The following MYO9B variants were observed in gnomAD, a reference collection of about 807,000 sequenced individuals.
The protein encoded by MYO9B is unconventional myosin-IXb.
Under a neutral mutation model 229.5 loss-of-function variants are expected in MYO9B, and 71 were observed. The ratio of observed to expected loss-of-function variants is 0.31; its 90% CI spans 0.26 to 0.38. The LOEUF (loss-of-function observed/expected upper bound fraction) is 0.38. Among genes scored for constraint, MYO9B ranks in the 10% least tolerant of loss-of-function variants. MYO9B has a pLI of 1.00. For synonymous variants in MYO9B, 1,185 were observed against 1,235.8 expected, an observed-to-expected ratio of 0.96 and a Z score of 0.86; for missense variants, 2,255 against 2,920.5, an observed-to-expected ratio of 0.77 and a Z score of 5.25.
Position 17,160,381 on chromosome 19 carries a change from C to T in MYO9B, c.1419+897C>T, listed in dbSNP as rs189907197. Among the ~76,000 whole-genome samples the T allele has an allele frequency of 1.1e-4, 16 of 151,974 alleles. No homozygotes were observed. In the East Asian group the frequency reaches 3.1e-3, roughly 29 times the overall value. ...CCATTTCCTTGACACCCAAGAAATG[C>T]AAAACGAGGGGGACACATTCTAGAT... On this transcript the variant is annotated intron_variant, in intron 8 of 39. Coordinates refer to ENST00000682292, the MANE Select transcript of MYO9B (RefSeq NM_004145.4).
chr19:17,200,512 T>C, intron 25 of MYO9B, 86 bp downstream of exon 25: 1 of 1,513,902 alleles, frequency 6.6e-7, no homozygotes, highest in South Asian at 1.3e-5. Flanking sequence ...GGCCTTGAGT[T>C]GGCTGTGGGC....
intron 2 of MYO9B, among the ~76,000 whole-genome samples, chr19:17,119,231 C>T (rs1470416811): frequency 6.6e-6 from 1 of 152,236 alleles, no homozygotes; most frequent in African/African-American, 2.4e-5. Flanking sequence ...AAGTCCCACC[C>T]AAAGGCCTCC....
chr19:17,109,729 G>A (rs776206502), intron 2 of MYO9B, among the ~76,000 whole-genome samples: 3 of 152,170 alleles, frequency 2.0e-5, no homozygotes, highest in African/African-American at 4.8e-5. Flanking sequence ...GCTTGTGGCC[G>A]CATCACTCTG....
intron 4 of MYO9B, 96 bp downstream of exon 4, chr19:17,152,802 A>G: frequency 8.7e-7 from 1 of 1,152,196 alleles, no homozygotes; most frequent in South Asian, 1.3e-5. Context: ...CTGAGGTCGG[A>G]GGAATTCTGG....
Position 17,172,685 on chromosome 19 carries a change from G to C in MYO9B, c.1936-74G>C. 6.4e-7 allele frequency: 1 copy of C among 1,563,882 alleles called. No homozygotes were observed. Among genetic ancestry groups the C allele is most frequent in the Admixed American group, 1.7e-5 (1 of 59,630 alleles). ...CCACCCCACCGTCAGCCCTTCCTGC[G>C]CCAGCCCGGGGTCTTTGGTAGGCGC... is the stretch of plus-strand genomic sequence containing the variant. On this transcript the variant is annotated intron_variant, in intron 12 of 39. Transcript: ENST00000682292. The surrounding 1 kb of genome is among the most constrained non-coding windows in gnomAD (Gnocchi z 8.2).
intron 1 of MYO9B, among the ~76,000 whole-genome samples, chr19:17,083,411 C>G (rs1033530634): frequency 1.3e-5 from 2 of 152,146 alleles, no homozygotes; most frequent in African/African-American, 4.8e-5. Context: ...TGGGTAGCAG[C>G]TGCCGTCTGC....
chr19:17,193,306 C>T lies in MYO9B; in HGVS notation c.3128+244C>T, dbSNP rs993601948. 3.3e-5 allele frequency among the ~76,000 whole-genome samples: 5 copies of T among 152,192 alleles called. No homozygotes were observed. The highest frequency in any genetic ancestry group is 7.3e-5 in the Non-Finnish European group (5 of 68,028). On this transcript the variant is annotated intron_variant, in intron 21 of 39. Coordinates refer to ENST00000682292, the MANE Select transcript of MYO9B (RefSeq NM_004145.4). This position sits in a 1 kb window ranked among gnomAD's most constrained non-coding sequence, Gnocchi z 4.3. ...TGCCATTGGCTGCACCCATTCTCTG[C>T]CCAGGGACTCCCCTGTACCTGGATC... is the stretch of plus-strand genomic sequence containing the variant.
At chr19:17,143,237 CA>C (rs60367856) in intron 2 of MYO9B, among the ~76,000 whole-genome samples, 1 of 148,862 alleles carries the variant, frequency 6.7e-6, no homozygotes, top group Admixed American at 6.7e-5. Context: ...GACTCTGTTT[CA>C]AAAAAAAAAC....
At position 17,194,948 on chromosome 19, in the gene MYO9B, C is replaced by T; in HGVS notation, c.3521C>T (p.Ala1174Val). ...ATCCAGTCCTGCAAGGAGGAGAGTG[C>T]CCTCAGAGAACCTTCCAGAAGGGTC... ...KHIQSCKEES[A>V]LREPSRRVTQ... Residue 1174 changes from alanine to valine, a missense_variant, in exon 22 of 40, where the codon GCC becomes GTC. Ala to Val is a moderately conservative substitution (Grantham distance 64, BLOSUM62 0). Transcript: ENST00000682292. 1 of 1,613,360 alleles carries T rather than the reference C, an allele frequency of 6.2e-7. No individual in the cohort carries two copies. The highest frequency in any genetic ancestry group is 8.5e-7 in the Non-Finnish European group (1 of 1,179,884).
At chr19:17,152,575 A>C (rs1244405942) in intron 3 of MYO9B, 69 bp from the exon 4 acceptor site, 16 of 1,422,662 alleles carry the variant, frequency 1.1e-5, no homozygotes, top group Middle Eastern at 2.0e-4. Context: ...AAAAAAAAAA[A>C]AACAACTCAA....
rs565921799 is a variant in MYO9B, at chr19:17,128,319, A to G, written c.841-17078A>G. On this transcript the variant is annotated intron_variant, in intron 2 of 39. Coordinates refer to ENST00000682292, the MANE Select transcript of MYO9B (RefSeq NM_004145.4). The stretch of plus-strand genomic sequence containing the variant: ...GGCGGGAGGATCGCTTAAGCCCAGG[A>G]GTTTGAGGCTGCAGTGAGCTAGGAT... 2.0e-5 allele frequency among the ~76,000 whole-genome samples: 3 copies of G among 152,100 alleles called. No homozygotes were observed. In the East Asian group the frequency reaches 5.8e-4, roughly 29 times the overall value.
rs370363385 is a variant in MYO9B, at chr19:17,117,827, A to G, written c.840+15270A>G. 5.9e-4 allele frequency among the ~76,000 whole-genome samples: 90 copies of G among 151,418 alleles called. 1 individual carries two copies. In the South Asian group the frequency reaches 0.016, roughly 26 times the overall value. Reference sequence around the variant, plus strand: ...GTGGCAGGCGCCTGTAATCCCAGCTACTGAGGAAGCTGAGGCAGGAGAATG... The same window carrying G: ...GTGGCAGGCGCCTGTAATCCCAGCTGCTGAGGAAGCTGAGGCAGGAGAATG... On this transcript the variant is annotated intron_variant, in intron 2 of 39. Coordinates refer to ENST00000682292, the MANE Select transcript of MYO9B (RefSeq NM_004145.4).
In MYO9B at chr19:17,163,088, A is replaced by T; in HGVS notation, c.1637A>T (p.Tyr546Phe). ...CINYANEQLQYYFNQHIFKLE... is the reference protein window; with the variant it reads ...CINYANEQLQFYFNQHIFKLE... ...AACTACGCCAATGAGCAGCTGCAGT[A>T]TTACTTCAACCAGCACATCTTCAAG... Residue 546 changes from tyrosine (Y) to phenylalanine (F), a missense_variant, in exon 10 of 40, where the codon TAT becomes TTT. Coordinates refer to ENST00000682292, the MANE Select transcript of MYO9B (RefSeq NM_004145.4). The T allele has an allele frequency of 6.4e-7, 1 of 1,566,090 alleles. No individual in the cohort carries two copies. The highest frequency in any genetic ancestry group is 1.2e-5 in the South Asian group (1 of 85,254).
At chr19:17,211,832 G>A in intron 39 of MYO9B, 58 bp downstream of exon 39, 8 of 1,609,262 alleles carry the variant, frequency 5.0e-6, no homozygotes, top group Non-Finnish European at 6.8e-6. Flanking sequence ...CAGGCCCCAG[G>A]GCGAGGGTCC....
chr19:17,080,428 C>T (rs2057524113), intron 1 of MYO9B, among the ~76,000 whole-genome samples: 1 of 152,168 alleles, frequency 6.6e-6, no homozygotes, highest in South Asian at 2.1e-4. Context: ...TCTGTTGGCT[C>T]ATACATAGCC....
chr19:17,181,393 C>T (rs1303706252), intron 15 of MYO9B, among the ~76,000 whole-genome samples: 1 of 152,230 alleles, frequency 6.6e-6, no homozygotes, highest in Non-Finnish European at 1.5e-5. Context: ...TGTGAGTTTG[C>T]AGAGAAGCCA....
At chr19:17,198,145 AG>A in intron 23 of MYO9B, 38 bp from the exon 24 acceptor site, 1 of 1,611,884 alleles carries the variant, frequency 6.2e-7, no homozygotes, top group Middle Eastern at 1.7e-4. Context: ...CAGGACTGCC[AG>A]CCTTTCCTTA....
At position 17,153,961 on chromosome 19, in the gene MYO9B, C is replaced by T; in HGVS notation, c.999-6C>T. ...CAACTATTTTCCTCCCAATTTTGAC[C>T]TGTAGGAACTACCATGTGTTTTATT... is the stretch of plus-strand genomic sequence containing the variant. On this transcript the variant is annotated splice_polypyrimidine_tract_variant and splice_region_variant and intron_variant, in intron 4 of 39. Coordinates refer to ENST00000682292, the MANE Select transcript of MYO9B (RefSeq NM_004145.4). 6.2e-7 allele frequency: 1 copy of T among 1,611,732 alleles called. No individual in the cohort carries two copies. The highest frequency in any genetic ancestry group is 8.5e-7 in the Non-Finnish European group (1 of 1,177,920).
At chr19:17,189,442 T>C (rs2072955525) in intron 19 of MYO9B, among the ~76,000 whole-genome samples, 1 of 140,472 alleles carries the variant, frequency 7.1e-6, no homozygotes, top group Non-Finnish European at 1.5e-5. Flanking sequence ...TTAAAATCAG[T>C]CTAGGCAACA....
Sources: gnomAD v4.1 joint callset for allele counts (sites outside exome capture counted in the v4.1 genomes callset) on GRCh38, gnomAD v4.1.1 for gene constraint, Gnocchi (gnomAD v3.1) non-coding constraint, MANE v1.5 for transcripts, NCBI Gene and HGNC (gene_info 2026-07-23, HGNC 2026-07-21) for gene names.